STPG2: variants seen among roughly 807,000 people sequenced by gnomAD.
The protein encoded by STPG2 is sperm tail PG-rich repeat containing 2.
In STPG2, 56 loss-of-function variants were observed where a neutral mutation model predicts 54.2. The ratio of observed to expected loss-of-function variants is 1.03; its 90% confidence interval spans 0.83 to 1.29. STPG2 has a LOEUF of 1.29. Among genes scored for constraint, STPG2 ranks in the 50% most tolerant of loss-of-function variants. STPG2 has a pLI of 0.00. For synonymous variants in STPG2, 200 were observed against 181.8 expected, an observed-to-expected ratio of 1.10 and a Z score of -0.81; for missense variants, 596 against 544.9, an observed-to-expected ratio of 1.09 and a Z score of -0.93.
chr4:97,872,593 A>T (rs1730030786), intron 8 of STPG2, among the ~76,000 whole-genome samples: 1 of 151,316 alleles, frequency 6.6e-6, no homozygotes, highest in Non-Finnish European at 1.5e-5. Flanking sequence ...ACAAAAATTA[A>T]AATATTTCTG....
intron 5 of STPG2, among the ~76,000 whole-genome samples, chr4:98,051,436 G>T (rs1737317020): frequency 6.6e-6 from 1 of 152,020 alleles, no homozygotes; most frequent in Non-Finnish European, 1.5e-5. Flanking sequence ...GCTTTAGGGA[G>T]GCAATTAGGA....
At chr4:97,868,455 TC>T (rs754930138) in intron 8 of STPG2, among the ~76,000 whole-genome samples, 63 of 151,968 alleles carry the variant, frequency 4.1e-4, no homozygotes, top group Middle Eastern at 3.4e-3. Flanking sequence ...GCATACGGAT[TC>T]CCAGACATTA....
intron 8 of STPG2, among the ~76,000 whole-genome samples, chr4:97,900,265 A>G (rs1435033734): frequency 6.6e-6 from 1 of 152,204 alleles, no homozygotes; most frequent in Non-Finnish European, 1.5e-5. Flanking sequence ...TTAAAAAGTC[A>G]AAAAATAACA....
chr4:97,765,621 C>T (rs1726018751), intron 9 of STPG2, among the ~76,000 whole-genome samples: 3 of 152,028 alleles, frequency 2.0e-5, no homozygotes, highest in African/African-American at 4.8e-5. Context: ...TTCAACAAAC[C>T]AATAGCTGAT....
chr4:97,499,252 T>C (rs1349556442), intron 4 of STPG2, among the ~76,000 whole-genome samples: 3 of 152,082 alleles, frequency 2.0e-5, no homozygotes, highest in South Asian at 2.1e-4. Context: ...TGCCCTGACA[T>C]GGCAATTTAT....
chr4:98,020,689 T>C (rs1032141871), intron 5 of STPG2, among the ~76,000 whole-genome samples: 1 of 152,206 alleles, frequency 6.6e-6, no homozygotes, highest in African/African-American at 2.4e-5. Context: ...ATTCCCACAA[T>C]TTCAGATCCT....
chr4:97,459,792 T>G (rs1275169116), intron 4 of STPG2, among the ~76,000 whole-genome samples: 1 of 152,190 alleles, frequency 6.6e-6, no homozygotes. Context: ...GCTTCAGATT[T>G]ATTTTTCACT....
At chr4:97,870,232 G>A (rs1214722713) in intron 8 of STPG2, among the ~76,000 whole-genome samples, 1 of 151,232 alleles carries the variant, frequency 6.6e-6, no homozygotes, top group Non-Finnish European at 1.5e-5. Context: ...GTATGGACAG[G>A]AAAAAGAAAG....
At chr4:97,619,917 G>A (rs965519303) in intron 10 of STPG2, among the ~76,000 whole-genome samples, 4 of 149,920 alleles carry the variant, frequency 2.7e-5, no homozygotes, top group East Asian at 2.0e-4. Context: ...TCCACCTCCC[G>A]GGTTCACGCC....
intron 10 of STPG2, among the ~76,000 whole-genome samples, chr4:97,635,862 A>G (rs1230815834): frequency 6.6e-6 from 1 of 152,020 alleles, no homozygotes; most frequent in Non-Finnish European, 1.5e-5. Flanking sequence ...TGACCGACAA[A>G]GAGACTTAGA....
chr4:97,909,547 C>G (rs561302135), intron 8 of STPG2, among the ~76,000 whole-genome samples: 1 of 151,934 alleles, frequency 6.6e-6, no homozygotes, highest in African/African-American at 2.4e-5. Flanking sequence ...AAAATAGAAA[C>G]AAAAGTCCTA....
At chr4:97,612,219 C>T (rs909980687) in intron 10 of STPG2, among the ~76,000 whole-genome samples, 3 of 147,794 alleles carry the variant, frequency 2.0e-5, no homozygotes, top group Admixed American at 1.4e-4. Context: ...AAACAAGATA[C>T]ATTTTCTTGT....
At chr4:98,134,275 C>A (rs1578187163) in intron 2 of STPG2, 72 bp downstream of exon 2, 2 of 734,352 alleles carry the variant, frequency 2.7e-6, no homozygotes, top group East Asian at 6.2e-5. Context: ...TAAAATACAA[C>A]AAATGACATT....
intron 8 of STPG2, among the ~76,000 whole-genome samples, chr4:97,903,956 CAG>C (rs1731285651): frequency 1.3e-5 from 2 of 152,314 alleles, no homozygotes; most frequent in African/African-American, 2.4e-5. Context: ...CCTACGCCCA[CAG>C]AGTCTCGCTG....
chr4:97,670,074 A>G (rs573840112), intron 10 of STPG2, among the ~76,000 whole-genome samples: 1 of 151,936 alleles, frequency 6.6e-6, no homozygotes, highest in Non-Finnish European at 1.5e-5. Context: ...AGTATAATTT[A>G]AAAAAAACCC....
intron 8 of STPG2, among the ~76,000 whole-genome samples, chr4:97,846,617 C>A (rs1728958969): frequency 7.8e-6 from 1 of 128,726 alleles, no homozygotes; most frequent in South Asian, 2.7e-4. Flanking sequence ...GTGTGAGACT[C>A]CACCTCAAAA....
In STPG2 at chr4:97,682,209, C is replaced by T. The variant is rs896838942; in HGVS notation, c.1320+30490G>A. 3.3e-5 allele frequency among the ~76,000 whole-genome samples: 5 copies of T among 151,674 alleles called. No individual in the cohort carries two copies. The East Asian group carries it at 9.6e-4, about 29-fold the overall frequency. On this transcript the variant is annotated intron_variant, in intron 10 of 10. Transcript: ENST00000295268. The stretch of plus-strand genomic sequence containing the variant: ...GATCTATTAACCTCAAAAAATATGT[C>T]ATTTAAAAAAGAACACAGCCAAGAG...
chr4:97,541,659 C>A (rs944914172), intron 4 of STPG2, among the ~76,000 whole-genome samples: 1 of 152,130 alleles, frequency 6.6e-6, no homozygotes, highest in African/African-American at 2.4e-5. Flanking sequence ...GCCTGCATTG[C>A]CAAGTCAACC....
chr4:97,740,187 T>G lies in STPG2; in HGVS notation c.1205-27373A>C, dbSNP rs189248330. ...AACGCTTCATGCTAAAAACTCTCAA[T>G]AAATTAGGTATTGATGGGACGTATC... On this transcript the variant is annotated intron_variant, in intron 9 of 10. Transcript: ENST00000295268. Among the ~76,000 whole-genome samples the G allele has an allele frequency of 3.0e-3, 452 of 152,248 alleles. 1 individual carries two copies. The highest frequency in any genetic ancestry group is 4.9e-3 in the Non-Finnish European group (336 of 68,024).
Sources: gnomAD v4.1 joint callset for allele counts (sites outside exome capture counted in the v4.1 genomes callset) on GRCh38, gnomAD v4.1.1 for gene constraint, MANE v1.5 for transcripts, NCBI Gene and HGNC (gene_info 2026-07-23, HGNC 2026-07-21) for gene names.